The following CLCN5 variants were observed in gnomAD, a reference collection of about 807,000 sequenced individuals.
CLCN5 encodes the protein Cl-/H+ antiporter 5.
A neutral mutation model predicts 54.0 loss-of-function variants in CLCN5; 17 were observed. That is an observed-to-expected ratio of 0.31 (90% confidence interval 0.22 to 0.47). The LOEUF is 0.47. Ranked by LOEUF, CLCN5 falls within the 20% of genes least tolerant of loss-of-function variation. CLCN5 has a pLI of 1.00. For missense variants in CLCN5, 448 were observed against 646.7 expected (o/e 0.69, Z 3.33); for synonymous variants, 222 against 233.0 (o/e 0.95, Z 0.43).
At chrX:50,089,581 C>T (rs1934013560) in intron 12 of CLCN5, among the ~76,000 whole-genome samples, 1 of 111,841 alleles carries the variant, frequency 8.9e-6, no homozygotes, top group African/African-American at 3.2e-5. Context: ...AATGAAAGAA[C>T]AAAGAAACAA....
At chrX:49,978,611 T>C (rs991695676) in intron 3 of CLCN5, among the ~76,000 whole-genome samples, 6 of 112,928 alleles carry the variant, frequency 5.3e-5, no homozygotes, top group Middle Eastern at 4.6e-3. Context: ...GAAAACATAA[T>C]GTAAGGCTTC....
At chrX:50,009,610 G>A (rs1196408993) in intron 3 of CLCN5, 3 of 343,377 alleles carry the variant, frequency 8.7e-6, no homozygotes, top group African/African-American at 7.9e-5. Flanking sequence ...CCTGAGGAGA[G>A]GCATCTGTCT....
At position 50,093,475 on chromosome X, in the gene CLCN5, CAG is replaced by C. The variant is rs1312731529; in HGVS notation, c.*1257_*1258del. 4.5e-5 allele frequency: 5 copies of C among 111,724 alleles called. No homozygotes were observed. The highest frequency in any genetic ancestry group is 9.4e-5 in the Non-Finnish European group (5 of 53,104). The allele number at this position is 111,724 out of a possible 1,213,427, so 9.2% of individuals were successfully genotyped here. ...TAAAATGCAGAGCCATCCTAAGACA[CAG>C]GGGTATGGACAAGGCCTGGTGACAC... On this transcript the variant is annotated 3_prime_UTR_variant, in exon 15 of 15. Coordinates refer to ENST00000376091, the MANE Select transcript of CLCN5 (RefSeq NM_001127898.4).
intron 4 of CLCN5, among the ~76,000 whole-genome samples, chrX:50,051,724 T>C (rs1932594322): frequency 8.9e-6 from 1 of 111,995 alleles, no homozygotes; most frequent in Admixed American, 9.5e-5. Context: ...TTGTATATAT[T>C]TTCTTAGATT....
At chrX:50,058,356 T>C (rs1464823830) in intron 4 of CLCN5, among the ~76,000 whole-genome samples, 1 of 111,655 alleles carries the variant, frequency 9.0e-6, no homozygotes, top group East Asian at 2.8e-4. Context: ...AATCAGTTAC[T>C]GTTCAGCCCC....
chrX:50,032,324 A>C (rs189822401), intron 3 of CLCN5, among the ~76,000 whole-genome samples: 4,232 of 111,443 alleles, frequency 0.038, 211 homozygotes, highest in African/African-American at 0.13. Flanking sequence ...GAACTAGTTT[A>C]CAGTCCCACC....
intron 3 of CLCN5, among the ~76,000 whole-genome samples, chrX:50,000,336 T>C (rs1048550016): frequency 9.1e-6 from 1 of 109,621 alleles, no homozygotes; most frequent in Non-Finnish European, 1.9e-5. Flanking sequence ...GACCTCCCAA[T>C]TGGGAGGTTA....
intron 4 of CLCN5, among the ~76,000 whole-genome samples, chrX:50,044,458 G>A (rs189763827): frequency 1.3e-4 from 15 of 111,912 alleles, no homozygotes. Context: ...CCAGATAGTT[G>A]GTGTTATGTG....
intron 3 of CLCN5, among the ~76,000 whole-genome samples, chrX:50,033,638 T>G (rs1413294855): frequency 9.0e-6 from 1 of 111,173 alleles, no homozygotes; most frequent in African/African-American, 3.3e-5. Flanking sequence ...AAGCTACCAA[T>G]GACTTTCTTC....
At chrX:49,964,537 A>T (rs1927750033) in intron 3 of CLCN5, among the ~76,000 whole-genome samples, 1 of 110,729 alleles carries the variant, frequency 9.0e-6, no homozygotes. Flanking sequence ...ATTTGAATGG[A>T]CTCTATTTCC....
intron 3 of CLCN5, among the ~76,000 whole-genome samples, chrX:49,964,255 A>G (rs989821855): frequency 3.2e-4 from 36 of 112,704 alleles, no homozygotes; most frequent in Middle Eastern, 4.6e-3. Flanking sequence ...AAGTCACTGC[A>G]TGTTAGTGAA....
rs782349462 is a variant in CLCN5 at position 50,090,177 on chromosome X, A to T, written c.1806A>T (p.Leu602Phe). ...TAATGTTTGAACTGACTGGTGGCTT[A>T]GAATACATCGTGCCTCTGATGGCTG... ...VVIMFELTGG[L>F]EYIVPLMAAA... Residue 602 changes from leucine to phenylalanine, a missense_variant, in exon 13 of 15, where the codon TTA (leucine) becomes TTT (phenylalanine). Coordinates refer to ENST00000376091, the MANE Select transcript of CLCN5 (RefSeq NM_001127898.4). 3 of 1,209,379 alleles carry T rather than the reference A, an allele frequency of 2.5e-6. No homozygotes were observed. The Admixed American group carries it at 6.6e-5, about 26-fold the overall frequency.
rs1348714780 is a variant in CLCN5 at position 49,929,772 on chromosome X, G to GT, written c.16+4464dup. ...TTTGGAACTGCTGCAATAAATATAG[G>GT]TTTTTTGTTTTTTTTTTTTTTGGAG... On this transcript the variant is annotated intron_variant, in intron 3 of 14. Transcript: ENST00000376091. Among the ~76,000 whole-genome samples, 68 of 99,744 alleles carry GT rather than the reference G, an allele frequency of 6.8e-4. 2 individuals are homozygous for GT. Among genetic ancestry groups the GT allele is most frequent in the African/African-American group, 2.6e-3 (62 of 23,780 alleles). 86.6% of individuals were successfully genotyped at this position (99,744 alleles called of 115,157 possible).
chrX:49,961,368 C>T (rs782189274), intron 3 of CLCN5, among the ~76,000 whole-genome samples: 1 of 111,958 alleles, frequency 8.9e-6, no homozygotes, highest in East Asian at 2.8e-4. Context: ...AAACTTTAAT[C>T]TTCATTAACA....
intron 3 of CLCN5, among the ~76,000 whole-genome samples, chrX:50,041,644 A>AT (rs1488291539): frequency 9.0e-6 from 1 of 111,486 alleles, no homozygotes; most frequent in African/African-American, 3.3e-5. Context: ...ATTTCAGTTG[A>AT]TTACTTGTGA....
intron 3 of CLCN5, among the ~76,000 whole-genome samples, chrX:49,964,993 G>A (rs781964657): frequency 9.0e-6 from 1 of 111,585 alleles, no homozygotes; most frequent in South Asian, 3.8e-4. Flanking sequence ...TATGTACAAT[G>A]ACTGAAAATT....
At chrX:49,933,484 A>G (rs1272369316) in intron 3 of CLCN5, among the ~76,000 whole-genome samples, 1 of 112,095 alleles carries the variant, frequency 8.9e-6, no homozygotes, top group Non-Finnish European at 1.9e-5. Flanking sequence ...ATCTGAACCC[A>G]GGTCTGCCAT....
At chrX:49,929,449 C>T (rs1192710155) in intron 3 of CLCN5, among the ~76,000 whole-genome samples, 1 of 111,798 alleles carries the variant, frequency 8.9e-6, no homozygotes, top group Non-Finnish European at 1.9e-5. Flanking sequence ...GTGCAGCAGG[C>T]ACTCTGCTGG....
intron 6 of CLCN5, 69 bp from the exon 7 acceptor site, chrX:50,075,726 C>A: frequency 1.0e-6 from 1 of 993,479 alleles, no homozygotes; most frequent in Non-Finnish European, 1.4e-6. Context: ...AAAGCTTATT[C>A]TGATGACCAA....
Sources: gnomAD v4.1 joint callset for allele counts (sites outside exome capture counted in the v4.1 genomes callset) on GRCh38, gnomAD v4.1.1 for gene constraint, MANE v1.5 for transcripts, NCBI Gene and HGNC (gene_info 2026-07-23, HGNC 2026-07-21) for gene names.